The following TBC1D9 variants were observed in gnomAD, a reference collection of about 807,000 sequenced individuals.
TBC1D9 encodes TBC1 domain family member 9, also known as TBC1 domain family member 9A.
In TBC1D9, 63 loss-of-function variants were observed where a neutral mutation model predicts 132.0. The observed-to-expected ratio is 0.48, with a 90% CI of 0.39 to 0.59. The LOEUF is 0.59. Ranked by LOEUF, TBC1D9 falls within the 20% of genes least tolerant of loss-of-function variation. The probability of loss-of-function intolerance (pLI) is 0.00; values close to 1 mark genes in which losing one functional copy is unlikely to be tolerated. For synonymous variants in TBC1D9, 610 were observed against 609.9 expected (o/e 1.00, Z 0.00); for missense variants, 1,261 against 1,592.7 (o/e 0.79, Z 3.54).
At chr4:140,625,250 T>A (rs1736686266) in intron 18 of TBC1D9, among the ~76,000 whole-genome samples, 1 of 152,178 alleles carries the variant, frequency 6.6e-6, no homozygotes, top group Non-Finnish European at 1.5e-5. Context: ...AAAATCTATG[T>A]TGGCAGAAGA....
intron 2 of TBC1D9, among the ~76,000 whole-genome samples, chr4:140,697,227 A>G (rs912812644): frequency 1.3e-5 from 2 of 151,978 alleles, no homozygotes; most frequent in African/African-American, 4.8e-5. Context: ...AAAATAAATA[A>G]ATAAATTAGC....
chr4:140,746,545 T>C (rs563735248), intron 1 of TBC1D9, among the ~76,000 whole-genome samples: 2 of 152,268 alleles, frequency 1.3e-5, no homozygotes, highest in South Asian at 4.1e-4. Context: ...GAGGGGGCAA[T>C]TTACAAAAGA....
At chr4:140,648,974 T>G (rs1737145888) in intron 13 of TBC1D9, among the ~76,000 whole-genome samples, 1 of 152,206 alleles carries the variant, frequency 6.6e-6, no homozygotes, top group Non-Finnish European at 1.5e-5. Context: ...TGGGCAGTGT[T>G]TCTGTGATTT....
At chr4:140,689,273 T>C (rs1289373877) in intron 2 of TBC1D9, among the ~76,000 whole-genome samples, 2 of 152,156 alleles carry the variant, frequency 1.3e-5, no homozygotes, top group East Asian at 3.9e-4. Flanking sequence ...CCAGGTACTT[T>C]ACTTTCAGAA....
intron 18 of TBC1D9, among the ~76,000 whole-genome samples, chr4:140,626,741 G>C (rs538672841): frequency 2.8e-4 from 43 of 152,132 alleles, no homozygotes; most frequent in Non-Finnish European, 5.7e-4. Context: ...CATCCACAGA[G>C]AGCAGGAGCC....
intron 16 of TBC1D9, among the ~76,000 whole-genome samples, 154 bp downstream of exon 16, chr4:140,633,794 C>T (rs1736833764): frequency 6.6e-6 from 1 of 152,042 alleles, no homozygotes; most frequent in African/African-American, 2.4e-5. Flanking sequence ...GTAGAGGCAA[C>T]GATTTATCCA....
chr4:140,647,254 A>G (rs1202450832), intron 13 of TBC1D9, among the ~76,000 whole-genome samples: 4 of 152,180 alleles, frequency 2.6e-5, no homozygotes, highest in Admixed American at 2.6e-4. Context: ...TGTTTTGCGA[A>G]TGGGCAAACC....
intron 6 of TBC1D9, among the ~76,000 whole-genome samples, chr4:140,674,078 G>A (rs1578834979): frequency 1.3e-5 from 2 of 152,298 alleles, no homozygotes; most frequent in East Asian, 3.9e-4. Context: ...GCTGGTACAG[G>A]TAATGCTGCT....
intron 2 of TBC1D9, among the ~76,000 whole-genome samples, chr4:140,698,507 T>C (rs775358415): frequency 6.6e-6 from 1 of 152,164 alleles, no homozygotes; most frequent in Non-Finnish European, 1.5e-5. Flanking sequence ...TCCCAGCATT[T>C]TGGAGGCCGA....
At chr4:140,697,049 A>C (rs535672735) in intron 2 of TBC1D9, among the ~76,000 whole-genome samples, 4 of 152,312 alleles carry the variant, frequency 2.6e-5, no homozygotes, top group Non-Finnish European at 4.4e-5. Flanking sequence ...GGAGCCAGTA[A>C]CTTGGATTTT....
intron 1 of TBC1D9, among the ~76,000 whole-genome samples, chr4:140,726,398 T>G (rs778469258): frequency 6.6e-5 from 10 of 152,220 alleles, no homozygotes; most frequent in Non-Finnish European, 1.5e-4. Context: ...AGGGGATGCT[T>G]GAGGGACAGC....
In TBC1D9 at chr4:140,624,229, A is replaced by C. The variant is rs773440545; in HGVS notation, c.2975-10T>G. On this transcript the variant is annotated splice_polypyrimidine_tract_variant and intron_variant, in intron 19 of 20. Coordinates refer to ENST00000442267, the MANE Select transcript of TBC1D9 (RefSeq NM_015130.3). Reference sequence around the variant, plus strand: ...GAATTTGCTCTCTTCCCTACAACCCAAATGTCAAGAAATAAGTGCTTACAG... The same window carrying C: ...GAATTTGCTCTCTTCCCTACAACCCCAATGTCAAGAAATAAGTGCTTACAG... The C allele has an allele frequency of 5.5e-5, 88 of 1,611,066 alleles. No individual in the cohort carries two copies. Among genetic ancestry groups the C allele is most frequent in the Non-Finnish European group, 7.5e-5 (88 of 1,178,246 alleles).
chr4:140,622,768 C>T lies in TBC1D9; in HGVS notation c.3228G>A (p.Lys1076=), dbSNP rs1228785177. The change falls in exon 21 of 21, where the codon AAG becomes AAA. Residue 1076 remains lysine (K), a synonymous_variant. Transcript: ENST00000442267. The stretch of plus-strand genomic sequence containing the variant: ...GCCCACTGCCTCCGCTCCCGCCCTC[C>T]TTTGCAGGCTGGGCCACGAACAACT... ...VGKLFVAQPA[K]EGGSGGSGPS... The T allele has an allele frequency of 6.2e-7, 1 of 1,604,770 alleles. No homozygotes were observed. Among genetic ancestry groups the T allele is most frequent in the Admixed American group, 1.7e-5 (1 of 59,918 alleles).
At chr4:140,623,134 G>A (rs1268069014) in intron 20 of TBC1D9, among the ~76,000 whole-genome samples, 1 of 152,028 alleles carries the variant, frequency 6.6e-6, no homozygotes, top group Non-Finnish European at 1.5e-5. Flanking sequence ...GCCCAGGCTG[G>A]AGTGCAGTGG....
intron 1 of TBC1D9, among the ~76,000 whole-genome samples, chr4:140,749,951 T>C (rs987447856): frequency 2.0e-5 from 3 of 152,046 alleles, no homozygotes; most frequent in African/African-American, 7.2e-5. Flanking sequence ...AAATGCAAGT[T>C]CAGGTAAACA....
chr4:140,687,371 T>TATAC (rs1737802920), intron 2 of TBC1D9, among the ~76,000 whole-genome samples: 1 of 96,340 alleles, frequency 1.0e-5, no homozygotes, highest in Non-Finnish European at 2.3e-5. Flanking sequence ...TATATATATA[T>TATAC]ATATATATAT....
intron 9 of TBC1D9, among the ~76,000 whole-genome samples, chr4:140,665,967 A>G (rs1737437865): frequency 1.3e-5 from 2 of 152,196 alleles, no homozygotes; most frequent in South Asian, 4.1e-4. Context: ...TACAAGCATG[A>G]GCCACTGTGC....
At position 140,661,159 on chromosome 4, in the gene TBC1D9, C is replaced by T. The variant is rs551430149; in HGVS notation, c.1803+734G>A. On this transcript the variant is annotated intron_variant, in intron 10 of 20. Transcript: ENST00000442267. ...TCGATCTCCTGACCTCGTGATCCTC[C>T]GGCCTTGGCTTACCAAAGTGTTGGG... is the stretch of plus-strand genomic sequence containing the variant. Among the ~76,000 whole-genome samples the T allele has an allele frequency of 5.9e-5, 9 of 152,264 alleles. No individual in the cohort carries two copies. In the South Asian group the frequency reaches 8.3e-4, roughly 14 times the overall value.
chr4:140,704,119 T>G (rs893755995), intron 1 of TBC1D9, among the ~76,000 whole-genome samples: 1 of 152,158 alleles, frequency 6.6e-6, no homozygotes, highest in African/African-American at 2.4e-5. Flanking sequence ...GCCTGTGGGC[T>G]AGGCGCGGTG....
Sources: gnomAD v4.1 joint callset for allele counts (sites outside exome capture counted in the v4.1 genomes callset) on GRCh38, gnomAD v4.1.1 for gene constraint, MANE v1.5 for transcripts, NCBI Gene and HGNC (gene_info 2026-07-23, HGNC 2026-07-21) for gene names.